STK31: variants seen among roughly 807,000 people sequenced by gnomAD.
STK31 encodes serine/threonine kinase 31.
In STK31, 89 loss-of-function variants were observed where a neutral mutation model predicts 129.7. That is an observed-to-expected ratio of 0.69 (90% confidence interval 0.58 to 0.82). The LOEUF is 0.82. STK31 is among the 40% of genes least tolerant of loss of function. STK31 has a pLI of 0.00. For missense variants in STK31, 1,187 were observed against 1,176.4 expected, an observed-to-expected ratio of 1.01 and a Z score of -0.13; for synonymous variants, 448 against 395.3, an observed-to-expected ratio of 1.13 and a Z score of -1.58.
chr7:23,746,278 G>A (rs1163090922), intron 8 of STK31, among the ~76,000 whole-genome samples: 2 of 152,190 alleles, frequency 1.3e-5, no homozygotes, highest in Admixed American at 6.5e-5. Flanking sequence ...GGTCCCTTTC[G>A]TGGCTAGAAT....
chr7:23,757,643 G>C (rs1200009091), intron 10 of STK31, among the ~76,000 whole-genome samples: 1 of 151,978 alleles, frequency 6.6e-6, no homozygotes, highest in East Asian at 1.9e-4. Context: ...CATACAATCG[G>C]GTTTTACACC....
intron 15 of STK31, among the ~76,000 whole-genome samples, chr7:23,774,977 T>C (rs988637962): frequency 1.3e-5 from 2 of 152,206 alleles, no homozygotes; most frequent in African/African-American, 4.8e-5. Context: ...AGGTATCCAG[T>C]TTCAGCTTTC....
intron 4 of STK31, chr7:23,726,198 T>C (rs1349166207): frequency 6.6e-6 from 1 of 152,012 alleles, no homozygotes; most frequent in Non-Finnish European, 1.5e-5. Context: ...CATTTGACAG[T>C]GTTTGGAGAC....
intron 8 of STK31, among the ~76,000 whole-genome samples, chr7:23,743,829 C>T (rs957066866): frequency 6.7e-6 from 1 of 149,364 alleles, no homozygotes; most frequent in African/African-American, 2.5e-5. Context: ...CTTTTTTGTT[C>T]TTTTTTTAAA....
intron 4 of STK31, among the ~76,000 whole-genome samples, chr7:23,720,904 T>C (rs1313742181): frequency 6.6e-6 from 1 of 152,200 alleles, no homozygotes; most frequent in African/African-American, 2.4e-5. Context: ...ATTTCCTTAT[T>C]AGAGAAAGTT....
At position 23,795,663 on chromosome 7, in the gene STK31, T is replaced by C. The variant is rs984374576; in HGVS notation, c.2760+4717T>C. 1.2e-4 allele frequency among the ~76,000 whole-genome samples: 19 copies of C among 152,318 alleles called. No homozygotes were observed. The South Asian group carries it at 1.5e-3, about 12-fold the overall frequency. ...CCATGAAAGCAGCCAGAAGCGGGGC[T>C]GTAGCCTGCAAAGCCACTGGGGCAG... On this transcript the variant is annotated intron_variant, in intron 22 of 23. Transcript: ENST00000355870.
intron 8 of STK31, among the ~76,000 whole-genome samples, chr7:23,737,941 A>G (rs1195925861): frequency 1.3e-5 from 2 of 151,310 alleles, no homozygotes; most frequent in Non-Finnish European, 2.9e-5. Flanking sequence ...AGTTCCTCCA[A>G]TTCTCTGACA....
At chr7:23,786,353 G>A (rs1198840539) in intron 18 of STK31, among the ~76,000 whole-genome samples, 155 bp from the exon 19 acceptor site, 9 of 151,898 alleles carry the variant, frequency 5.9e-5, no homozygotes, top group African/African-American at 2.2e-4. Context: ...CCAAATTATA[G>A]CATTCAAAGA....
intron 15 of STK31, among the ~76,000 whole-genome samples, chr7:23,774,425 A>T (rs1439718247): frequency 1.3e-5 from 2 of 152,194 alleles, no homozygotes; most frequent in African/African-American, 4.8e-5. Context: ...CTATTTCTCC[A>T]CATCCTCCCC....
intron 22 of STK31, among the ~76,000 whole-genome samples, chr7:23,814,160 T>TTTTTTTTTTTTTTTTTTTG: frequency 1.4e-5 from 2 of 147,276 alleles, no homozygotes; most frequent in Non-Finnish European, 3.0e-5. Flanking sequence ...TTTTTTTTTT[T>TTTTTTTTTTTTTTTTTTTG]TTTTCAGTTG....
intron 23 of STK31, among the ~76,000 whole-genome samples, chr7:23,827,587 C>G (rs1413277565): frequency 6.6e-6 from 1 of 152,186 alleles, no homozygotes; most frequent in Non-Finnish European, 1.5e-5. Context: ...AAGCCTTCCT[C>G]TCTCAACTCG....
At chr7:23,789,851 A>G (rs574866629) in intron 21 of STK31, among the ~76,000 whole-genome samples, 1 of 152,226 alleles carries the variant, frequency 6.6e-6, no homozygotes, top group South Asian at 2.1e-4. Flanking sequence ...TTTAATTTTC[A>G]GTTAAAAATA....
intron 4 of STK31, among the ~76,000 whole-genome samples, chr7:23,723,598 G>A (rs1385871696): frequency 3.3e-5 from 5 of 152,138 alleles, no homozygotes; most frequent in African/African-American, 1.2e-4. Context: ...GTTCATAAAT[G>A]GATTATACTT....
chr7:23,779,098 C>G (rs966518336), intron 15 of STK31, among the ~76,000 whole-genome samples: 8 of 152,214 alleles, frequency 5.3e-5, no homozygotes, highest in African/African-American at 1.9e-4. Flanking sequence ...TCAGTCCCCT[C>G]TGCTGCAGGT....
intron 1 of STK31, 79 bp downstream of exon 1, chr7:23,710,414 C>T: frequency 6.2e-7 from 1 of 1,606,670 alleles, no homozygotes; most frequent in Non-Finnish European, 8.5e-7. Context: ...TTTTAAGTCT[C>T]CAATCCTGGG....
chr7:23,727,224 T>G lies in STK31; in HGVS notation c.250-17T>G. On this transcript the variant is annotated splice_polypyrimidine_tract_variant and intron_variant, in intron 4 of 23. Transcript: ENST00000355870. ...GCTTTAAATGCCAAGTAATTTTGCT[T>G]TCTTTTCTCTTTGTAGATTTATGGT... 6.2e-7 allele frequency: 1 copy of G among 1,612,280 alleles called. No homozygotes were observed. Among genetic ancestry groups the G allele is most frequent in the East Asian group, 2.2e-5 (1 of 44,736 alleles).
intron 6 of STK31, 21 bp downstream of exon 6, chr7:23,729,270 A>C: frequency 6.4e-7 from 1 of 1,553,924 alleles, no homozygotes; most frequent in Non-Finnish European, 8.6e-7. Flanking sequence ...TATTTTAAAT[A>C]TTTTTGCTAA....
intron 1 of STK31, among the ~76,000 whole-genome samples, chr7:23,711,307 C>T (rs542591335): frequency 6.6e-6 from 1 of 151,970 alleles, no homozygotes; most frequent in South Asian, 2.1e-4. Context: ...CGTGGTGTCA[C>T]GCGCCGGTAA....
intron 16 of STK31, among the ~76,000 whole-genome samples, chr7:23,782,471 C>CAAAAAAA (rs66962254): frequency 9.4e-4 from 79 of 84,418 alleles, no homozygotes; most frequent in African/African-American, 2.3e-3. Flanking sequence ...GACCCTGTCT[C>CAAAAAAA]AAAAAAAAAA....
Sources: allele counts gnomAD v4.1 joint callset (sites outside exome capture counted in the v4.1 genomes callset), GRCh38; gene constraint gnomAD v4.1.1; transcripts MANE v1.5; gene names NCBI Gene and HGNC (gene_info 2026-07-23, HGNC 2026-07-21).